AOAH: variants seen among roughly 807,000 people sequenced by gnomAD.
The protein encoded by AOAH is acyloxyacyl hydrolase (neutrophil).
AOAH carries 64 observed loss-of-function variants against 92.2 expected under a neutral mutation model. The ratio of observed to expected loss-of-function variants is 0.69; its 90% CI spans 0.57 to 0.86. AOAH has a LOEUF of 0.86. Among genes scored for constraint, AOAH ranks in the 40% least tolerant of loss-of-function variants. The probability of loss-of-function intolerance (pLI) is 0.00; values close to 1 mark genes in which losing one functional copy is unlikely to be tolerated. For synonymous variants in AOAH, 263 were observed against 254.5 expected, an observed-to-expected ratio of 1.03 and a Z score of -0.32; for missense variants, 656 against 694.6, an observed-to-expected ratio of 0.94 and a Z score of 0.62.
intron 2 of AOAH, among the ~76,000 whole-genome samples, chr7:36,678,580 T>C (rs1342005130): frequency 1.4e-4 from 17 of 118,716 alleles, no homozygotes; most frequent in African/African-American, 8.6e-4. Flanking sequence ...TGTGTGTGTG[T>C]GTGTGTGTGT....
At position 36,631,838 on chromosome 7, in the gene AOAH, G is replaced by C. The variant is rs78642671; in HGVS notation, c.521+198C>G. Reference sequence around the variant, plus strand: ...TCAGCTTTGAGATGCAAAGATGCTGGCATTCAGTATATTTCCCAAACGATT... The same window carrying C: ...TCAGCTTTGAGATGCAAAGATGCTGCCATTCAGTATATTTCCCAAACGATT... On this transcript the variant is annotated intron_variant, in intron 6 of 20. Coordinates refer to ENST00000617537, the MANE Select transcript of AOAH (RefSeq NM_001637.4). Among the ~76,000 whole-genome samples the C allele has an allele frequency of 1.8e-3, 277 of 152,266 alleles. 2 individuals are homozygous for C. In the East Asian group the frequency reaches 0.048, roughly 26 times the overall value.
chr7:36,526,106 T>C (rs1784384392), intron 19 of AOAH, among the ~76,000 whole-genome samples: 6 of 152,218 alleles, frequency 3.9e-5, no homozygotes, highest in Admixed American at 3.9e-4. Flanking sequence ...TTCCTGTCTC[T>C]CAACCCCCAT....
intron 3 of AOAH, among the ~76,000 whole-genome samples, chr7:36,670,479 C>T (rs1282525616): frequency 6.6e-6 from 1 of 152,094 alleles, no homozygotes; most frequent in East Asian, 1.9e-4. Flanking sequence ...CTCATGCTAG[C>T]GAGAATTAGT....
intron 2 of AOAH, among the ~76,000 whole-genome samples, chr7:36,678,600 T>TGCGCGC (rs1554314414): frequency 3.3e-4 from 43 of 131,058 alleles, no homozygotes; most frequent in Non-Finnish European, 5.6e-4. Flanking sequence ...TGTGTGTGTG[T>TGCGCGC]GCGCGCGCGC....
chr7:36,723,885 G>T, intron 1 of AOAH, 137 bp downstream of exon 1: 1 of 891,986 alleles, frequency 1.1e-6, no homozygotes, highest in Non-Finnish European at 1.6e-6. Context: ...ATTTCTCTGT[G>T]TCAGTGAGGT....
chr7:36,514,463 G>A (rs1562849921), intron 20 of AOAH: 1 of 1,529,758 alleles, frequency 6.5e-7, no homozygotes, highest in Admixed American at 2.0e-5. Flanking sequence ...TTCCCAGCCT[G>A]AGGCTTACTC....
chr7:36,696,439 G>A lies in AOAH; in HGVS notation c.128-9645C>T, dbSNP rs144844946. On this transcript the variant is annotated intron_variant, in intron 1 of 20. Transcript: ENST00000617537. ...ATAAAGCCTTCTTTAATTTCTCTTC[G>A]CAATATTTTGTAATTTTCAGTGTAG... Among the ~76,000 whole-genome samples the A allele has an allele frequency of 5.1e-3, 772 of 152,042 alleles. 3 individuals are homozygous for A. The highest frequency in any genetic ancestry group is 6.5e-3 in the Non-Finnish European group (441 of 68,010).
chr7:36,718,614 T>C (rs1043830570), intron 1 of AOAH, among the ~76,000 whole-genome samples: 1 of 152,228 alleles, frequency 6.6e-6, no homozygotes, highest in Non-Finnish European at 1.5e-5. Context: ...TGGAATATTA[T>C]TCAGCTGTAA....
chr7:36,615,649 A>G (rs914268226), intron 11 of AOAH, among the ~76,000 whole-genome samples: 4 of 152,192 alleles, frequency 2.6e-5, no homozygotes, highest in Non-Finnish European at 5.9e-5. Flanking sequence ...ATTTGAGAGG[A>G]AGATAATGGC....
chr7:36,528,487 G>A (rs543065933), intron 19 of AOAH, among the ~76,000 whole-genome samples: 64 of 152,206 alleles, frequency 4.2e-4, no homozygotes, highest in African/African-American at 1.3e-3. Context: ...CTTTGTTGAC[G>A]ATTATGTTCC....
chr7:36,651,630 G>A (rs1488950045), intron 4 of AOAH, among the ~76,000 whole-genome samples: 1 of 152,132 alleles, frequency 6.6e-6, no homozygotes, highest in African/African-American at 2.4e-5. Flanking sequence ...AATTCCCTCT[G>A]GCTCTGAGAA....
chr7:36,576,457 G>C, intron 13 of AOAH, 117 bp downstream of exon 13: 1 of 630,970 alleles, frequency 1.6e-6, no homozygotes, highest in East Asian at 2.9e-5. Flanking sequence ...TTGGAAGGGA[G>C]ACCGTTCATT....
chr7:36,700,142 C>T (rs562258804), intron 1 of AOAH, among the ~76,000 whole-genome samples: 8 of 151,856 alleles, frequency 5.3e-5, no homozygotes, highest in Admixed American at 1.3e-4. Flanking sequence ...TGTAATTTTC[C>T]TTTGATTTCT....
At chr7:36,675,179 C>A (rs1486567876) in intron 2 of AOAH, among the ~76,000 whole-genome samples, 1 of 152,120 alleles carries the variant, frequency 6.6e-6, no homozygotes, top group Non-Finnish European at 1.5e-5. Context: ...TCGCTTGAAC[C>A]CGGGAGGTGG....
chr7:36,533,747 TC>T (rs771768257), intron 16 of AOAH, among the ~76,000 whole-genome samples: 8 of 152,128 alleles, frequency 5.3e-5, no homozygotes, highest in African/African-American at 7.2e-5. Context: ...TGAATGTGTC[TC>T]AGCTGCAGTG....
intron 11 of AOAH, among the ~76,000 whole-genome samples, chr7:36,597,297 C>T (rs1422601215): frequency 6.6e-6 from 1 of 152,194 alleles, no homozygotes; most frequent in Non-Finnish European, 1.5e-5. Context: ...CTGCTCGAGA[C>T]TCCACCATTA....
intron 10 of AOAH, among the ~76,000 whole-genome samples, chr7:36,617,826 G>A (rs1792008308): frequency 6.6e-6 from 1 of 152,216 alleles, no homozygotes; most frequent in Non-Finnish European, 1.5e-5. Flanking sequence ...ACAAGTTATA[G>A]TCTGGCAGTC....
In AOAH at chr7:36,513,054, G is replaced by T. The variant is rs893748854; in HGVS notation, c.*198C>A. 6.5e-7 allele frequency: 1 copy of T among 1,543,424 alleles called. No homozygotes were observed. The highest frequency in any genetic ancestry group is 8.7e-7 in the Non-Finnish European group (1 of 1,150,292). ...AGGTTATTTCAGGAACAGCGGAAGG[G>T]TTACTGATCCCGGGAGCACACAGCA... is the stretch of plus-strand genomic sequence containing the variant. On this transcript the variant is annotated 3_prime_UTR_variant, in exon 21 of 21. Coordinates refer to ENST00000617537, the MANE Select transcript of AOAH (RefSeq NM_001637.4).
chr7:36,566,201 G>A (rs1242506038), intron 13 of AOAH, among the ~76,000 whole-genome samples: 2 of 150,670 alleles, frequency 1.3e-5, no homozygotes, highest in Non-Finnish European at 2.9e-5. Flanking sequence ...AATAGCAGAA[G>A]CTCAGTTAGC....
Sources: gnomAD v4.1 joint callset for allele counts (sites outside exome capture counted in the v4.1 genomes callset) on GRCh38, gnomAD v4.1.1 for gene constraint, MANE v1.5 for transcripts, NCBI Gene and HGNC (gene_info 2026-07-23, HGNC 2026-07-21) for gene names.